Variants in PPEF1 observed in about 807,000 individuals in gnomAD.
PPEF1 encodes serine/threonine-protein phosphatase with EF-hands 1.
In PPEF1, 12 loss-of-function variants were observed where a neutral mutation model predicts 53.3. That is an observed-to-expected ratio of 0.23 (90% CI 0.14 to 0.36). PPEF1 has a LOEUF of 0.36. Ranked by LOEUF, PPEF1 falls within the 10% of genes least tolerant of loss-of-function variation. The pLI, the probability that PPEF1 is intolerant of heterozygous loss-of-function variation, is 1.00. For synonymous variants in PPEF1, 165 were observed against 176.7 expected (o/e 0.93, Z 0.52); for missense variants, 334 against 490.4 (o/e 0.68, Z 3.01).
chrX:18,818,116 C>T lies in PPEF1; in HGVS notation c.1472C>T (p.Ala491Val). ...VISRKSDLTR[A>V]FQLQDHRKSG... ...TCACGAAAAAGTGACCTTACTCGTGCTTTCCAACTTCAAGACCACAGAAAA... is the reference window on the plus strand; with the variant it reads ...TCACGAAAAAGTGACCTTACTCGTGTTTTCCAACTTCAAGACCACAGAAAA... Residue 491 changes from alanine to valine, a missense_variant, in exon 13 of 16, where the codon GCT becomes GTT. By Grantham distance (64) the Ala-to-Val change is moderately conservative (BLOSUM62 0). Transcript: ENST00000470157. 3 of 1,199,803 alleles carry T rather than the reference C, an allele frequency of 2.5e-6. No individual in the cohort carries two copies. The highest frequency in any genetic ancestry group is 3.4e-6 in the Non-Finnish European group (3 of 887,090).
chrX:18,771,314 C>G (rs1468705505), intron 6 of PPEF1, among the ~76,000 whole-genome samples: 1 of 111,243 alleles, frequency 9.0e-6, no homozygotes, highest in Non-Finnish European at 1.9e-5. Flanking sequence ...TGCCATCTTT[C>G]GTGAACATCT....
At chrX:18,738,031 A>G (rs983747538) in intron 3 of PPEF1, among the ~76,000 whole-genome samples, 1 of 109,867 alleles carries the variant, frequency 9.1e-6, no homozygotes, top group African/African-American at 3.3e-5. Flanking sequence ...TGCACGTGAG[A>G]TGGGTCTCCT....
intron 10 of PPEF1, among the ~76,000 whole-genome samples, chrX:18,803,181 C>T (rs964909927): frequency 2.7e-5 from 3 of 112,332 alleles, no homozygotes; most frequent in African/African-American, 6.5e-5. Flanking sequence ...TTATGGGAAA[C>T]GAAGGGATGG....
At chrX:18,716,336 T>G (rs1256478139) in intron 1 of PPEF1, among the ~76,000 whole-genome samples, 2 of 109,320 alleles carry the variant, frequency 1.8e-5, no homozygotes, top group Non-Finnish European at 3.8e-5. Context: ...ATTGAGACCA[T>G]CCTGGCTAAC....
chrX:18,787,479 G>T (rs1210954356), intron 9 of PPEF1, among the ~76,000 whole-genome samples: 1 of 111,339 alleles, frequency 9.0e-6, no homozygotes, highest in African/African-American at 3.3e-5. Context: ...GCAGAAAGAT[G>T]GCTACTAGAC....
intron 3 of PPEF1, among the ~76,000 whole-genome samples, chrX:18,741,573 A>T (rs1328337146): frequency 1.8e-5 from 2 of 110,868 alleles, no homozygotes; most frequent in African/African-American, 6.5e-5. Context: ...AAACACACCC[A>T]TGTAACTGGC....
At chrX:18,713,579 TCTG>T (rs2044377932) in intron 1 of PPEF1, among the ~76,000 whole-genome samples, 1 of 111,026 alleles carries the variant, frequency 9.0e-6, no homozygotes, top group East Asian at 2.8e-4. Flanking sequence ...TAATAATAAA[TCTG>T]CTGAAAGCTG....
intron 4 of PPEF1, among the ~76,000 whole-genome samples, chrX:18,697,504 T>G (rs143008114): frequency 9.0e-6 from 1 of 110,962 alleles, no homozygotes; most frequent in African/African-American, 3.3e-5. Flanking sequence ...TAGTCAGTCA[T>G]CAGGTCTCGG....
intron 3 of PPEF1, among the ~76,000 whole-genome samples, chrX:18,690,245 A>G (rs1439926812): frequency 1.8e-5 from 2 of 111,499 alleles, no homozygotes; most frequent in Non-Finnish European, 3.8e-5. Flanking sequence ...ATAAGTGCAC[A>G]AAAGAAAATG....
At chrX:18,790,975 G>A (rs2046314591) in intron 10 of PPEF1, among the ~76,000 whole-genome samples, 1 of 111,053 alleles carries the variant, frequency 9.0e-6, no homozygotes. Flanking sequence ...CCGGCCACCA[G>A]CACCATTTCT....
chrX:18,811,612 TA>T (rs1356950887), intron 12 of PPEF1, among the ~76,000 whole-genome samples: 334 of 14,449 alleles, frequency 0.023, 3 homozygotes, highest in East Asian at 0.038. Flanking sequence ...TATATATATA[TA>T]TATTTTTTTT....
chrX:18,726,483 G>A (rs1458819148), intron 1 of PPEF1, among the ~76,000 whole-genome samples: 1 of 111,450 alleles, frequency 9.0e-6, no homozygotes, highest in East Asian at 2.8e-4. Context: ...CAGAGGACCT[G>A]AGTTCATACT....
rs186586540 is a variant in PPEF1 at position 18,701,256 on chromosome X, G to C, written c.-123+821G>C. On this transcript the variant is annotated intron_variant, in intron 6 of 21. Transcript: ENST00000361511. Reference sequence around the variant, plus strand: ...ATCTTAGACCTCTCAAGGGAAAAGAGCCCATTGCTTTGCGACTCTTAAATT... The same window carrying C: ...ATCTTAGACCTCTCAAGGGAAAAGACCCCATTGCTTTGCGACTCTTAAATT... Among the ~76,000 whole-genome samples, 118 of 112,306 alleles carry C rather than the reference G, an allele frequency of 1.1e-3. 1 individual carries two copies. Among genetic ancestry groups the C allele is most frequent in the African/African-American group, 3.5e-3 (108 of 30,903 alleles).
intron 11 of PPEF1, among the ~76,000 whole-genome samples, chrX:18,805,841 T>TAA (rs145416225): frequency 1.2e-5 from 1 of 85,672 alleles, no homozygotes. Context: ...GACTCCATCT[T>TAA]AAAAAAAAAA....
intron 1 of PPEF1, among the ~76,000 whole-genome samples, chrX:18,708,656 G>A (rs2044256426): frequency 8.9e-6 from 1 of 111,764 alleles, no homozygotes; most frequent in Non-Finnish European, 1.9e-5. Context: ...GAGGGTTTAG[G>A]ATGCAGAGTG....
At chrX:18,708,240 A>G (rs941368373) in intron 1 of PPEF1, among the ~76,000 whole-genome samples, 10 of 112,171 alleles carry the variant, frequency 8.9e-5, no homozygotes, top group African/African-American at 2.6e-4. Context: ...TTATTTCTAT[A>G]TCTATTCAAC....
At chrX:18,726,457 C>G (rs1230235083) in intron 1 of PPEF1, among the ~76,000 whole-genome samples, 4 of 110,802 alleles carry the variant, frequency 3.6e-5, no homozygotes, top group African/African-American at 1.3e-4. Context: ...AAGTAACTGA[C>G]TGGAGTGGAA....
intron 10 of PPEF1, among the ~76,000 whole-genome samples, chrX:18,793,705 G>T (rs867514935): frequency 7.9e-5 from 4 of 50,597 alleles, no homozygotes; most frequent in Non-Finnish European, 1.1e-4. Flanking sequence ...CCCACCCCCC[G>T]CCCGTGTATG....
chrX:18,791,089 C>G (rs1245900789), intron 10 of PPEF1, among the ~76,000 whole-genome samples: 1 of 112,261 alleles, frequency 8.9e-6, no homozygotes, highest in African/African-American at 3.2e-5. Flanking sequence ...TTATATTTCA[C>G]AATCTCTATG....
Sources: gnomAD v4.1 joint callset for allele counts (sites outside exome capture counted in the v4.1 genomes callset) on GRCh38, gnomAD v4.1.1 for gene constraint, MANE v1.5 for transcripts, NCBI Gene and HGNC (gene_info 2026-07-23, HGNC 2026-07-21) for gene names.